TMEM132C: variants seen among roughly 807,000 people sequenced by gnomAD.
TMEM132C encodes transmembrane protein 132C, also known as protein phosphatase 1, regulatory subunit 152.
Under a neutral mutation model 61.4 loss-of-function variants are expected in TMEM132C, and 29 were observed. The observed-to-expected ratio is 0.47, with a 90% CI of 0.35 to 0.64. The LOEUF (loss-of-function observed/expected upper bound fraction) is 0.64. Ranked by LOEUF, TMEM132C falls within the 30% of genes least tolerant of loss-of-function variation. TMEM132C has a pLI of 0.00. For synonymous variants in TMEM132C, 656 were observed against 633.1 expected, an observed-to-expected ratio of 1.04 and a Z score of -0.54; for missense variants, 1,408 against 1,476.9, an observed-to-expected ratio of 0.95 and a Z score of 0.76.
chr12:128,458,429 T>G (rs1870420738), intron 2 of TMEM132C, among the ~76,000 whole-genome samples: 1 of 152,110 alleles, frequency 6.6e-6, no homozygotes. Flanking sequence ...CCTTCTTTCT[T>G]GCTCACATAC....
At chr12:128,614,250 TA>T (rs1294003862) in intron 3 of TMEM132C, among the ~76,000 whole-genome samples, 2 of 152,238 alleles carry the variant, frequency 1.3e-5, no homozygotes, top group Admixed American at 6.5e-5. Flanking sequence ...AGGATTTGGA[TA>T]AGAAATATTT....
chr12:128,688,558 G>A (rs1342416062), intron 5 of TMEM132C, among the ~76,000 whole-genome samples: 3 of 152,118 alleles, frequency 2.0e-5, no homozygotes, highest in Non-Finnish European at 2.9e-5. Flanking sequence ...TCACATGAAC[G>A]TGCTAAAAGT....
intron 1 of TMEM132C, among the ~76,000 whole-genome samples, chr12:128,317,449 A>G (rs535994347): frequency 7.4e-4 from 112 of 152,370 alleles, no homozygotes; most frequent in Non-Finnish European, 1.0e-3. Flanking sequence ...ACTCACATCT[A>G]TGGAGAAACA....
intron 6 of TMEM132C, among the ~76,000 whole-genome samples, chr12:128,694,925 G>T (rs1593151597): frequency 6.6e-6 from 1 of 152,336 alleles, no homozygotes; most frequent in East Asian, 1.9e-4. Flanking sequence ...AGCTTTGTGA[G>T]CATGGGCAAG....
rs1203067137 is a variant in TMEM132C at position 128,705,029 on chromosome 12, G to A, written c.2122-61G>A. 5 of 1,457,780 alleles carry A rather than the reference G, an allele frequency of 3.4e-6. No individual in the cohort carries two copies. The East Asian group carries it at 1.0e-4, about 29-fold the overall frequency. The allele number at this position is 1,457,780 out of a possible 1,614,324, so 90.3% of individuals were successfully genotyped here. A position where few individuals can be genotyped will look rare whatever the true frequency, so the allele number is the denominator to read the frequency against. On this transcript the variant is annotated intron_variant, in intron 8 of 8. Coordinates refer to ENST00000435159, the MANE Select transcript of TMEM132C (RefSeq NM_001136103.3). ...TGTTTCATTGGGCGTCCTCCTAGGA[G>A]GGGGTTTCTAAGGGAAAAGGCATCC...
At chr12:128,368,710 C>A (rs1225434009) in intron 1 of TMEM132C, among the ~76,000 whole-genome samples, 1 of 152,218 alleles carries the variant, frequency 6.6e-6, no homozygotes, top group Non-Finnish European at 1.5e-5. Context: ...GTATGAAATA[C>A]AGAGCATGTT....
intron 4 of TMEM132C, among the ~76,000 whole-genome samples, chr12:128,666,443 A>G (rs551259008): frequency 3.5e-4 from 54 of 152,352 alleles, no homozygotes; most frequent in African/African-American, 1.3e-3. Context: ...GCTGTTTAGA[A>G]GCTACCCAGT....
At chr12:128,547,090 TC>T (rs766716029) in intron 3 of TMEM132C, among the ~76,000 whole-genome samples, 2 of 152,174 alleles carry the variant, frequency 1.3e-5, no homozygotes, top group African/African-American at 2.4e-5. Flanking sequence ...GATAGCAAGA[TC>T]TTTCTTATGT....
chr12:128,510,258 T>G (rs1233398272), intron 2 of TMEM132C, among the ~76,000 whole-genome samples: 1 of 152,200 alleles, frequency 6.6e-6, no homozygotes, highest in Non-Finnish European at 1.5e-5. Context: ...GATCTCTTTC[T>G]GTTGGTGGAT....
chr12:128,612,601 A>G (rs917971000), intron 3 of TMEM132C, among the ~76,000 whole-genome samples: 8 of 152,216 alleles, frequency 5.3e-5, no homozygotes, highest in Non-Finnish European at 1.5e-5. Flanking sequence ...GTGCAAAATG[A>G]GAACCTTAAT....
Position 128,525,435 on chromosome 12 carries a change from A to G in TMEM132C, c.975-18522A>G, listed in dbSNP as rs551365371. ...ACTCCCCTGACACAATGAGAGATCA[A>G]CCTCACACCTGCCAACCTCCATACA... is the stretch of plus-strand genomic sequence containing the variant. On this transcript the variant is annotated intron_variant, in intron 2 of 8. Coordinates refer to ENST00000435159, the MANE Select transcript of TMEM132C (RefSeq NM_001136103.3). Among the ~76,000 whole-genome samples the G allele has an allele frequency of 6.6e-5, 10 of 151,938 alleles. No individual in the cohort carries two copies. In the East Asian group the frequency reaches 1.5e-3, roughly 24 times the overall value.
At chr12:128,631,748 G>T (rs188598185) in intron 4 of TMEM132C, among the ~76,000 whole-genome samples, 1 of 152,188 alleles carries the variant, frequency 6.6e-6, no homozygotes, top group East Asian at 1.9e-4. Context: ...TGCTTTTTCT[G>T]TCTGTGGATT....
intron 1 of TMEM132C, among the ~76,000 whole-genome samples, chr12:128,349,665 C>T (rs1713631): frequency 0.86 from 130,674 of 152,180 alleles, 57,601 homozygotes; most frequent in East Asian, 1. Context: ...ATGCTAGGTA[C>T]ATACCATCAA....
At chr12:128,333,240 T>C (rs192808198) in intron 1 of TMEM132C, among the ~76,000 whole-genome samples, 24 of 151,496 alleles carry the variant, frequency 1.6e-4, no homozygotes, top group African/African-American at 5.3e-4. Context: ...TGCATGTGAC[T>C]GTGACCATAT....
chr12:128,364,036 A>C (rs184111335), intron 1 of TMEM132C, among the ~76,000 whole-genome samples: 5 of 152,140 alleles, frequency 3.3e-5, no homozygotes, highest in African/African-American at 1.2e-4. Flanking sequence ...CTCTGCCTTG[A>C]AGGGAAAGCA....
chr12:128,501,094 A>G (rs911178876), intron 2 of TMEM132C, among the ~76,000 whole-genome samples: 3 of 152,200 alleles, frequency 2.0e-5, no homozygotes, highest in African/African-American at 7.2e-5. Flanking sequence ...AAGACGAAAT[A>G]TTGTATGACT....
intron 2 of TMEM132C, among the ~76,000 whole-genome samples, chr12:128,445,900 G>A (rs1194274004): frequency 2.6e-5 from 4 of 152,240 alleles, no homozygotes; most frequent in Non-Finnish European, 5.9e-5. Flanking sequence ...GAAAGCAGAG[G>A]CCACAAAGCA....
chr12:128,366,152 G>T (rs901329421), intron 1 of TMEM132C, among the ~76,000 whole-genome samples: 1 of 152,204 alleles, frequency 6.6e-6, no homozygotes, highest in Admixed American at 6.5e-5. Flanking sequence ...GCCCAGGGCC[G>T]GGAAGGGAGA....
intron 4 of TMEM132C, among the ~76,000 whole-genome samples, chr12:128,654,581 C>A (rs946960622): frequency 6.6e-6 from 1 of 152,174 alleles, no homozygotes; most frequent in Non-Finnish European, 1.5e-5. Context: ...TCCTGCCTAA[C>A]AACATCGTAG....
Sources: gnomAD v4.1 joint callset for allele counts (sites outside exome capture counted in the v4.1 genomes callset) on GRCh38, gnomAD v4.1.1 for gene constraint, MANE v1.5 for transcripts, NCBI Gene and HGNC (gene_info 2026-07-23, HGNC 2026-07-21) for gene names.